The following STK24 variants were observed in gnomAD, a reference collection of about 807,000 sequenced individuals.
STK24 encodes serine/threonine-protein kinase 24.
A neutral mutation model predicts 55.6 loss-of-function variants in STK24; 21 were observed. That is an observed-to-expected ratio of 0.38 (90% confidence interval 0.27 to 0.54). The LOEUF is 0.54. Ranked by LOEUF, STK24 falls within the 20% of genes least tolerant of loss-of-function variation. The pLI is 0.79. For missense variants in STK24, 383 were observed against 538.4 expected (o/e 0.71, Z 2.86); for synonymous variants, 200 against 215.2 (o/e 0.93, Z 0.62).
rs753730298 is a variant in STK24, at chr13:98,448,518, G to C, written c.*4655C>G. 22 of 576,204 alleles carry C rather than the reference G, an allele frequency of 3.8e-5. No individual in the cohort carries two copies. Among genetic ancestry groups the C allele is most frequent in the Non-Finnish European group, 6.2e-5 (20 of 322,626 alleles). 35.7% of individuals were successfully genotyped at this position (576,204 alleles called of 1,614,324 possible). A position where few individuals can be genotyped will look rare whatever the true frequency, so the allele number is the denominator to read the frequency against. On this transcript the variant is annotated 3_prime_UTR_variant, in exon 11 of 11. Transcript: ENST00000539966. The stretch of plus-strand genomic sequence containing the variant: ...GAACAGCGCTCCCACCTCCAGTCCT[G>C]GCATCCGCTGGGGGCGCTGTTCTTT...
intron 10 of STK24, chr13:98,456,730 A>G (rs963221756): frequency 2.8e-6 from 1 of 361,900 alleles, no homozygotes; most frequent in Non-Finnish European, 5.5e-6. Context: ...CACAGCTAAC[A>G]CAGGGAACAC....
intron 2 of STK24, among the ~76,000 whole-genome samples, chr13:98,495,045 A>G (rs1895195907): frequency 6.6e-6 from 1 of 152,242 alleles, no homozygotes; most frequent in Non-Finnish European, 1.5e-5. Context: ...AGCTCCGTCT[A>G]GCACCCAGCA....
intron 1 of STK24, among the ~76,000 whole-genome samples, chr13:98,564,338 G>C (rs1444691356): frequency 6.6e-6 from 1 of 152,252 alleles, no homozygotes; most frequent in East Asian, 1.9e-4. Flanking sequence ...AGAGGAGCTG[G>C]ACAGATGATA....
At position 98,450,308 on chromosome 13, in the gene STK24, C is replaced by T. The variant is rs1210120008; in HGVS notation, c.*2865G>A. ...GCTGACACATTTTATAGCAGAAATA[C>T]ACAAGCTGTTTTTAAAGGAGGGAAA... On this transcript the variant is annotated 3_prime_UTR_variant, in exon 11 of 11. Coordinates refer to ENST00000539966, the MANE Select transcript of STK24 (RefSeq NM_001032296.4). 1 of 152,188 alleles carries T rather than the reference C, an allele frequency of 6.6e-6. No individual in the cohort carries two copies. Among genetic ancestry groups the T allele is most frequent in the Non-Finnish European group, 1.5e-5 (1 of 68,042 alleles). The allele number at this position is 152,188 out of a possible 1,614,324, so 9.4% of individuals were successfully genotyped here. A position where few individuals can be genotyped will look rare whatever the true frequency, so the allele number is the denominator to read the frequency against.
At chr13:98,576,329 G>C in intron 1 of STK24, 1 of 641,000 alleles carries the variant, frequency 1.6e-6, no homozygotes, top group Non-Finnish European at 1.9e-6. Flanking sequence ...TGGGGGACGC[G>C]TCCTGGGGCC....
intron 1 of STK24, among the ~76,000 whole-genome samples, chr13:98,565,853 AC>A (rs1312206856): frequency 6.6e-6 from 1 of 152,068 alleles, no homozygotes; most frequent in African/African-American, 2.4e-5. Flanking sequence ...CGCCCCCCAC[AC>A]CCACAATCCT....
intron 2 of STK24, among the ~76,000 whole-genome samples, chr13:98,498,841 G>C (rs7334007): frequency 0.023 from 3,576 of 152,332 alleles, 137 homozygotes; most frequent in African/African-American, 0.081. Context: ...AAACAGGACA[G>C]AGCCAGGCTG....
At chr13:98,522,888 G>A (rs537057356) in intron 1 of STK24, among the ~76,000 whole-genome samples, 14 of 152,316 alleles carry the variant, frequency 9.2e-5, no homozygotes, top group Admixed American at 1.3e-4. Flanking sequence ...GGGTCCTGGA[G>A]GGAAGGGGAA....
At chr13:98,535,548 A>C (rs991534843) in intron 1 of STK24, among the ~76,000 whole-genome samples, 2 of 152,122 alleles carry the variant, frequency 1.3e-5, no homozygotes, top group South Asian at 4.1e-4. Flanking sequence ...GTGTACAAAT[A>C]AACAGTAACA....
chr13:98,567,582 A>G (rs2139460988), intron 1 of STK24, among the ~76,000 whole-genome samples: 1 of 152,342 alleles, frequency 6.6e-6, no homozygotes. Context: ...ACCGACCAGT[A>G]GAGAGATGGA....
At chr13:98,486,204 T>A (rs1894800272) in intron 2 of STK24, among the ~76,000 whole-genome samples, 1 of 146,158 alleles carries the variant, frequency 6.8e-6, no homozygotes, top group African/African-American at 2.5e-5. Context: ...TTAAAAGTAT[T>A]AAAAAAAAAA....
Position 98,445,821 on chromosome 13 carries a change from CCTGTGTTCTAAGGTA to C in STK24, c.*7337_*7351del. On this transcript the variant is annotated 3_prime_UTR_variant, in exon 11 of 11. Coordinates refer to ENST00000539966, the MANE Select transcript of STK24 (RefSeq NM_001032296.4). ...TGCAACGAGCCTATTTCCAAATAAG[CCTGTGTTCTAAGGTA>C]CTGGTAGTCAGGACCTCAACGTGTC... is the stretch of plus-strand genomic sequence containing the variant. 1 of 336,390 alleles carries C rather than the reference CCTGTGTTCTAAGGTA, an allele frequency of 3.0e-6. No individual in the cohort carries two copies. Among genetic ancestry groups the C allele is most frequent in the South Asian group, 3.8e-5 (1 of 26,040 alleles). The allele number at this position is 336,390 out of a possible 1,614,324, so 20.8% of individuals were successfully genotyped here. A position where few individuals can be genotyped will look rare whatever the true frequency, so the allele number is the denominator to read the frequency against.
chr13:98,465,743 T>G (rs1893903973), intron 6 of STK24, among the ~76,000 whole-genome samples: 1 of 152,204 alleles, frequency 6.6e-6, no homozygotes, highest in African/African-American at 2.4e-5. Context: ...GCTGGAAAAC[T>G]CAGAAACAAA....
chr13:98,480,949 T>C (rs898365741), intron 3 of STK24, among the ~76,000 whole-genome samples: 6 of 152,188 alleles, frequency 3.9e-5, no homozygotes, highest in African/African-American at 1.4e-4. Flanking sequence ...GTGTAGACTA[T>C]GCTAAAGTAA....
intron 2 of STK24, among the ~76,000 whole-genome samples, chr13:98,516,284 C>T (rs1320658895): frequency 1.3e-5 from 2 of 152,206 alleles, no homozygotes; most frequent in Non-Finnish European, 2.9e-5. Context: ...ACAATGGCCA[C>T]GTTCTTCCAG....
intron 2 of STK24, among the ~76,000 whole-genome samples, chr13:98,510,693 T>C (rs1046886495): frequency 1.8e-4 from 28 of 152,134 alleles, no homozygotes; most frequent in African/African-American, 6.5e-4. Context: ...ATTACACTTA[T>C]ATGAGGTGTC....
At chr13:98,519,188 C>CTG (rs1373347501) in intron 2 of STK24, 55 bp downstream of exon 2, 3 of 1,437,718 alleles carry the variant, frequency 2.1e-6, no homozygotes, top group Non-Finnish European at 2.9e-6. Context: ...CCATTCCCTG[C>CTG]TGGCACCTCA....
intron 1 of STK24, among the ~76,000 whole-genome samples, chr13:98,554,198 A>G (rs1162940303): frequency 6.6e-6 from 1 of 152,170 alleles, no homozygotes; most frequent in Admixed American, 6.5e-5. Flanking sequence ...CCCTTTAAAG[A>G]AAAAAACTGA....
chr13:98,564,723 C>A (rs1897521528), intron 1 of STK24, among the ~76,000 whole-genome samples: 1 of 152,140 alleles, frequency 6.6e-6, no homozygotes, highest in Non-Finnish European at 1.5e-5. Flanking sequence ...CACCCTAGAT[C>A]TTGAGAGATG....
Sources: gnomAD v4.1 joint callset for allele counts (sites outside exome capture counted in the v4.1 genomes callset) on GRCh38, gnomAD v4.1.1 for gene constraint, MANE v1.5 for transcripts, NCBI Gene and HGNC (gene_info 2026-07-23, HGNC 2026-07-21) for gene names.